PLD5: variants seen among roughly 807,000 people sequenced by gnomAD.
The protein encoded by PLD5 is inactive phospholipase D5.
Under a neutral mutation model 61.1 loss-of-function variants are expected in PLD5, and 36 were observed. The ratio of observed to expected loss-of-function variants is 0.59; its 90% CI spans 0.45 to 0.78. The LOEUF (loss-of-function observed/expected upper bound fraction) is 0.78, where lower values mean the gene tolerates loss of function less well. Ranked by LOEUF, PLD5 falls within the 30% of genes least tolerant of loss-of-function variation. PLD5 has a pLI of 0.00. For missense variants in PLD5, 515 were observed against 644.4 expected, an observed-to-expected ratio of 0.80 and a Z score of 2.17; for synonymous variants, 243 against 242.8, an observed-to-expected ratio of 1.00 and a Z score of -0.01.
intron 1 of PLD5, among the ~76,000 whole-genome samples, chr1:242,406,091 G>A (rs1178692238): frequency 6.6e-6 from 1 of 152,052 alleles, no homozygotes; most frequent in East Asian, 1.9e-4. Flanking sequence ...CCTACCATGA[G>A]TTGCAAGAAT....
At chr1:242,167,111 A>C (rs1666376957) in intron 5 of PLD5, among the ~76,000 whole-genome samples, 1 of 145,040 alleles carries the variant, frequency 6.9e-6, no homozygotes, top group African/African-American at 2.6e-5. Flanking sequence ...AATAATAATA[A>C]TAATAAATAG....
intron 5 of PLD5, among the ~76,000 whole-genome samples, chr1:242,162,466 C>T (rs1287265713): frequency 6.6e-6 from 1 of 152,098 alleles, no homozygotes; most frequent in Non-Finnish European, 1.5e-5. Context: ...ACCGAGAAAC[C>T]TAAAATGCAA....
chr1:242,431,080 C>T (rs1445944184), intron 1 of PLD5, among the ~76,000 whole-genome samples: 1 of 152,204 alleles, frequency 6.6e-6, no homozygotes, highest in Non-Finnish European at 1.5e-5. Context: ...ATACACATAA[C>T]ATAAAATATA....
chr1:242,390,547 G>A (rs1450124064), intron 1 of PLD5, among the ~76,000 whole-genome samples: 3 of 152,148 alleles, frequency 2.0e-5, no homozygotes, highest in Admixed American at 6.5e-5. Flanking sequence ...CGAAGTCAAA[G>A]TGACCTTGGT....
At chr1:242,142,106 A>AG (rs1471630068) in intron 5 of PLD5, among the ~76,000 whole-genome samples, 1 of 152,180 alleles carries the variant, frequency 6.6e-6, no homozygotes, top group Non-Finnish European at 1.5e-5. Context: ...TATGACACAG[A>AG]GGGGAGAGAG....
intron 6 of PLD5, among the ~76,000 whole-genome samples, chr1:242,114,507 C>T (rs951478178): frequency 1.3e-5 from 2 of 152,188 alleles, no homozygotes; most frequent in African/African-American, 2.4e-5. Flanking sequence ...TCCTATAGAA[C>T]AAGGGTCCCT....
intron 1 of PLD5, among the ~76,000 whole-genome samples, chr1:242,366,899 T>A (rs538893810): frequency 1.3e-5 from 2 of 152,320 alleles, no homozygotes; most frequent in Non-Finnish European, 1.5e-5. Flanking sequence ...TGGTTATTTT[T>A]ATTTTTTTAC....
intron 2 of PLD5, among the ~76,000 whole-genome samples, chr1:242,289,511 G>A (rs1482074463): frequency 1.3e-5 from 2 of 152,036 alleles, no homozygotes; most frequent in African/African-American, 4.8e-5. Flanking sequence ...ACCATGCCTG[G>A]CTAACTTTTT....
In PLD5 at chr1:242,281,724, G is replaced by A. The variant is rs373953761; in HGVS notation, c.495+6638C>T. ...CTTGAGAATGGGGCTGCTTTGGATG[G>A]TGAGGGGGTGAACAGTCCTTCTAGA... is the stretch of plus-strand genomic sequence containing the variant. On this transcript the variant is annotated intron_variant, in intron 3 of 9. Transcript: ENST00000536534. Among the ~76,000 whole-genome samples, 18 of 152,238 alleles carry A rather than the reference G, an allele frequency of 1.2e-4. No individual in the cohort carries two copies. In the East Asian group the frequency reaches 2.7e-3, roughly 23 times the overall value.
At chr1:242,416,967 A>C (rs998185151) in intron 1 of PLD5, among the ~76,000 whole-genome samples, 2 of 152,208 alleles carry the variant, frequency 1.3e-5, no homozygotes, top group Non-Finnish European at 2.9e-5. Flanking sequence ...CACAACAAAT[A>C]TTTCTGCACC....
intron 1 of PLD5, among the ~76,000 whole-genome samples, chr1:242,415,760 C>T (rs972729363): frequency 6.6e-6 from 1 of 151,986 alleles, no homozygotes; most frequent in South Asian, 2.1e-4. Flanking sequence ...TGATCTGCCT[C>T]GGCTTCCCAA....
chr1:242,186,520 A>G (rs1228934278), intron 5 of PLD5, among the ~76,000 whole-genome samples: 1 of 152,088 alleles, frequency 6.6e-6, no homozygotes, highest in Non-Finnish European at 1.5e-5. Context: ...AAGTTTCTTT[A>G]AAAAAAGGTA....
In PLD5 at chr1:242,394,174, GTA is replaced by G. The variant is rs1166391785; in HGVS notation, c.190-45934_190-45933del. ...TGTATATATATGAGTATATATATGTGTATATATGAGTATATATGAGTATATAT... is the reference window on the plus strand; with the variant it reads ...TGTATATATATGAGTATATATATGTGTATATGAGTATATATGAGTATATAT... On this transcript the variant is annotated intron_variant, in intron 1 of 9. Transcript: ENST00000536534. Among the ~76,000 whole-genome samples the G allele has an allele frequency of 5.3e-5, 4 of 75,518 alleles. 1 individual carries two copies. The highest frequency in any genetic ancestry group is 9.6e-5 in the Non-Finnish European group (4 of 41,856). The allele number at this position is 75,518 out of a possible 152,430, so 49.5% of individuals were successfully genotyped here. A position where few individuals can be genotyped will look rare whatever the true frequency, so the allele number is the denominator to read the frequency against.
chr1:242,451,821 T>C (rs935131915), intron 1 of PLD5, among the ~76,000 whole-genome samples: 20 of 152,214 alleles, frequency 1.3e-4, no homozygotes, highest in African/African-American at 4.8e-4. Context: ...CTCCATGGTA[T>C]TTAAGGTCCT....
rs538321797 is a variant in PLD5, at chr1:242,415,563, A to G, written c.190-67321T>C. Among the ~76,000 whole-genome samples, 17 of 144,994 alleles carry G rather than the reference A, an allele frequency of 1.2e-4. No individual in the cohort carries two copies. In the South Asian group the frequency reaches 3.3e-3, roughly 28 times the overall value. ...AGTCTTGCTCTGTCGCCCAGGCTGG[A>G]GTGCAGTGGCGAGATCTCGGTTCAC... On this transcript the variant is annotated intron_variant, in intron 1 of 9. Transcript: ENST00000536534.
chr1:242,229,304 C>T (rs1407383097), intron 4 of PLD5, among the ~76,000 whole-genome samples: 6 of 152,178 alleles, frequency 3.9e-5, no homozygotes, highest in African/African-American at 7.2e-5. Context: ...CAGTAAGCCT[C>T]GTTTTAAACG....
chr1:242,516,250 T>TTATATA (rs57043354), intron 1 of PLD5, among the ~76,000 whole-genome samples: 4,789 of 138,256 alleles, frequency 0.035, 114 homozygotes, highest in East Asian at 0.082. Flanking sequence ...TAAAGTTAAA[T>TTATATA]TATATATATA....
intron 5 of PLD5, among the ~76,000 whole-genome samples, chr1:242,185,178 C>A (rs913943088): frequency 6.6e-6 from 1 of 152,136 alleles, no homozygotes; most frequent in African/African-American, 2.4e-5. Flanking sequence ...GGCTGTCTCC[C>A]AACTGGCCCC....
intron 8 of PLD5, among the ~76,000 whole-genome samples, chr1:242,106,951 G>A (rs926485078): frequency 4.6e-5 from 7 of 152,306 alleles, no homozygotes; most frequent in Admixed American, 2.6e-4. Flanking sequence ...CTGGAGTAGA[G>A]TCAAACATGA....
Sources: allele counts gnomAD v4.1 joint callset (sites outside exome capture counted in the v4.1 genomes callset), GRCh38; gene constraint gnomAD v4.1.1; transcripts MANE v1.5; gene names NCBI Gene and HGNC (gene_info 2026-07-23, HGNC 2026-07-21).